Variants in BRWD1 observed in about 807,000 individuals in gnomAD.
BRWD1 encodes the protein bromodomain and WD repeat domain containing 1, also known as bromodomain and WD repeat-containing protein 1.
Under a neutral mutation model 251.2 loss-of-function variants are expected in BRWD1, and 82 were observed. The observed-to-expected ratio is 0.33, with a 90% CI of 0.27 to 0.39. The LOEUF (loss-of-function observed/expected upper bound fraction) is 0.39. Ranked by LOEUF, BRWD1 falls within the 10% of genes least tolerant of loss-of-function variation. BRWD1 has a pLI of 1.00. For synonymous variants in BRWD1, 918 were observed against 902.8 expected (o/e 1.02, Z -0.30); for missense variants, 2,233 against 2,711.6 (o/e 0.82, Z 3.92).
chr21:39,272,309 T>G (rs55674408), intron 13 of BRWD1, among the ~76,000 whole-genome samples: 1 of 132,908 alleles, frequency 7.5e-6, no homozygotes, highest in African/African-American at 2.8e-5. Flanking sequence ...CTTAAATAAA[T>G]AAAAAAAAAA....
In BRWD1 at chr21:39,312,843, A is replaced by G. The variant is rs1479568443; in HGVS notation, c.196T>C (p.Leu66=). 1 of 1,561,484 alleles carries G rather than the reference A, an allele frequency of 6.4e-7. No homozygotes were observed. Residue 66 remains leucine, a splice_region_variant and synonymous_variant, in exon 4 of 41, where the codon TTG becomes CTG. Coordinates refer to ENST00000342449, the MANE Select transcript of BRWD1 (RefSeq NM_033656.4). Reference sequence around the variant, plus strand: ...GAGCAAACGTGCCCAATGCTCACCAACTCCTCGTAGCTCCTGTTGTGCTCG... The same window carrying G: ...GAGCAAACGTGCCCAATGCTCACCAGCTCCTCGTAGCTCCTGTTGTGCTCG... ...GNEHNRSYEE[L]VLSNKHVAPD...
chr21:39,234,496 G>C (rs1007236282), intron 23 of BRWD1, among the ~76,000 whole-genome samples: 4 of 152,136 alleles, frequency 2.6e-5, no homozygotes, highest in African/African-American at 9.7e-5. Context: ...TCGAGTCCAA[G>C]ACTTAAGGTA....
intron 27 of BRWD1, among the ~76,000 whole-genome samples, chr21:39,226,064 T>C (rs1358218781): frequency 6.6e-6 from 1 of 152,148 alleles, no homozygotes; most frequent in African/African-American, 2.4e-5. Context: ...ATATAAAAAA[T>C]TAAGTGTATA....
chr21:39,292,024 G>A (rs1181505910), intron 8 of BRWD1, among the ~76,000 whole-genome samples: 2 of 149,804 alleles, frequency 1.3e-5, no homozygotes, highest in Non-Finnish European at 2.9e-5. Context: ...ACGGCTCACT[G>A]CAGCCTCAAC....
Position 39,192,086 on chromosome 21 carries a change from T to C in BRWD1, c.*4173A>G. ...TGAGCAGACACCAATTTAAAGATAT[T>C]TTTCTACCAATTTAACAATATATTA... On this transcript the variant is annotated 3_prime_UTR_variant, in exon 41 of 41. Coordinates refer to ENST00000342449, the MANE Select transcript of BRWD1 (RefSeq NM_033656.4). The C allele has an allele frequency of 1.0e-6, 1 of 985,166 alleles. No homozygotes were observed. The highest frequency in any genetic ancestry group is 1.2e-6 in the Non-Finnish European group (1 of 829,768). 61.0% of individuals were successfully genotyped at this position (985,166 alleles called of 1,614,324 possible). A position where few individuals can be genotyped will look rare whatever the true frequency, so the allele number is the denominator to read the frequency against.
chr21:39,219,755 G>A (rs2033098129), intron 29 of BRWD1: 1 of 152,308 alleles, frequency 6.6e-6, no homozygotes, highest in Middle Eastern at 3.4e-3. Context: ...GTCATATGAT[G>A]TAGTCTTTTA....
intron 4 of BRWD1, among the ~76,000 whole-genome samples, chr21:39,307,818 A>G (rs569857665): frequency 6.6e-6 from 1 of 152,214 alleles, no homozygotes; most frequent in Non-Finnish European, 1.5e-5. Flanking sequence ...GTGGAACTCT[A>G]AAAGACCCTT....
At position 39,258,684 on chromosome 21, in the gene BRWD1, A is replaced by AT. The variant is rs1568924324; in HGVS notation, c.1886-13dup. The AT allele has an allele frequency of 6.5e-7, 1 of 1,528,946 alleles. No homozygotes were observed. Among genetic ancestry groups the AT allele is most frequent in the Admixed American group, 2.1e-5 (1 of 48,134 alleles). 94.7% of individuals were successfully genotyped at this position (1,528,946 alleles called of 1,614,324 possible). ...CACCTCTCCATCACCTACAAATTCA[A>AT]TTATTTAATATATAATCATATAAAA... On this transcript the variant is annotated splice_polypyrimidine_tract_variant and intron_variant, in intron 17 of 40. Transcript: ENST00000342449.
chr21:39,238,505 T>G lies in BRWD1; in HGVS notation c.2550A>C (p.Lys850Asn). The change falls in exon 22 of 41, where the codon AAA (lysine) becomes AAC (asparagine). Residue 850 changes from lysine to asparagine, a missense_variant. Transcript: ENST00000342449. ...TTGAACTTTCGCTGTAACTCTCACT[T>G]TTTCTGTCACTTCTCCATTCATCCT... ...SEEDEWRSDR[K>N]SESYSESSSD... 6.2e-7 allele frequency: 1 copy of G among 1,613,540 alleles called. No individual in the cohort carries two copies. The highest frequency in any genetic ancestry group is 8.5e-7 in the Non-Finnish European group (1 of 1,179,626).
chr21:39,272,832 G>A (rs1436465092), intron 13 of BRWD1, among the ~76,000 whole-genome samples: 4 of 151,794 alleles, frequency 2.6e-5, no homozygotes, highest in African/African-American at 9.7e-5. Context: ...GGCTAGTCTC[G>A]ATATCCTGAC....
chr21:39,282,081 T>C (rs1046269928), intron 8 of BRWD1, among the ~76,000 whole-genome samples: 1 of 151,700 alleles, frequency 6.6e-6, no homozygotes, highest in African/African-American at 2.4e-5. Flanking sequence ...TATATGGACA[T>C]ATACACATAC....
intron 21 of BRWD1, among the ~76,000 whole-genome samples, chr21:39,247,441 A>C (rs2034234565): frequency 6.6e-6 from 1 of 152,242 alleles, no homozygotes; most frequent in Admixed American, 6.5e-5. Context: ...GTTTATATAC[A>C]GAAAGTTTCA....
chr21:39,303,178 C>A (rs575217495), intron 4 of BRWD1, among the ~76,000 whole-genome samples: 22 of 152,016 alleles, frequency 1.4e-4, no homozygotes, highest in African/African-American at 4.8e-4. Flanking sequence ...TATATTGAAA[C>A]CTCTAGGGAA....
intron 11 of BRWD1, 52 bp downstream of exon 11, chr21:39,277,199 C>A: frequency 2.3e-6 from 3 of 1,331,386 alleles, no homozygotes; most frequent in Non-Finnish European, 3.1e-6. Flanking sequence ...TTAGCAATAA[C>A]AGGAATAGTA....
At chr21:39,314,103 G>C (rs2036634000), upstream of BRWD1, 1 of 455,900 alleles carries the variant, frequency 2.2e-6, no homozygotes, top group South Asian at 1.5e-5. Context: ...CCGGTCGTCT[G>C]GGGCCAGTGC....
At chr21:39,278,927 G>T in intron 9 of BRWD1, 114 bp from the exon 10 acceptor site, 1 of 812,540 alleles carries the variant, frequency 1.2e-6, no homozygotes. Flanking sequence ...AAGAGACAGG[G>T]TCTCGCCATG....
At chr21:39,239,033 C>T (rs1003817909) in intron 21 of BRWD1, among the ~76,000 whole-genome samples, 1 of 152,004 alleles carries the variant, frequency 6.6e-6, no homozygotes, top group Non-Finnish European at 1.5e-5. Flanking sequence ...TTAAATTAGG[C>T]TGCCTTCTTA....
At position 39,186,734 on chromosome 21, in the gene BRWD1, T is replaced by C. The variant is rs1378295720; in HGVS notation, c.*9525A>G. 2 of 237,830 alleles carry C rather than the reference T, an allele frequency of 8.4e-6. No individual in the cohort carries two copies. The highest frequency in any genetic ancestry group is 1.6e-5 in the Non-Finnish European group (2 of 125,708). The allele number at this position is 237,830 out of a possible 1,614,324, so 14.7% of individuals were successfully genotyped here. On this transcript the variant is annotated 3_prime_UTR_variant, in exon 41 of 41. Coordinates refer to ENST00000342449, the MANE Select transcript of BRWD1 (RefSeq NM_033656.4). ...ATTATATTCTTCCTCTAAGGAATCA[T>C]GTCTTCAAGGCCTTGCATTCTGGAA...
chr21:39,190,413 A>C lies in BRWD1; in HGVS notation c.*5846T>G, dbSNP rs1158062166. On this transcript the variant is annotated 3_prime_UTR_variant, in exon 41 of 41. Transcript: ENST00000342449. ...TTTGAGAATGAGAAAAGAATGTCTG[A>C]CTCAAAATGAAAACATACTAGCCTC... 1 of 985,262 alleles carries C rather than the reference A, an allele frequency of 1.0e-6. No individual in the cohort carries two copies. Among genetic ancestry groups the C allele is most frequent in the Non-Finnish European group, 1.2e-6 (1 of 829,904 alleles). 61.0% of individuals were successfully genotyped at this position (985,262 alleles called of 1,614,324 possible).
Sources: gnomAD v4.1 joint callset for allele counts (sites outside exome capture counted in the v4.1 genomes callset) on GRCh38, gnomAD v4.1.1 for gene constraint, MANE v1.5 for transcripts, NCBI Gene and HGNC (gene_info 2026-07-23, HGNC 2026-07-21) for gene names.